SPMIP2: variants seen among roughly 807,000 people sequenced by gnomAD.
The protein encoded by SPMIP2 is sperm microtubule inner protein 2.
chr4:158,921,001 C>T, the SPMIP2 span, among the ~76,000 whole-genome samples: 1 of 152,188 alleles, frequency 6.6e-6, no homozygotes, highest in Non-Finnish European at 1.5e-5. Context: ...TAAAATTCTT[C>T]TGTTTATACT....
At chr4:158,995,175 C>G in the SPMIP2 span, among the ~76,000 whole-genome samples, 1 of 152,176 alleles carries the variant, frequency 6.6e-6, no homozygotes, top group Non-Finnish European at 1.5e-5. Context: ...ACTCTGGACA[C>G]CCAAAGTGCT....
the SPMIP2 span, among the ~76,000 whole-genome samples, chr4:159,010,809 A>G: frequency 6.6e-6 from 1 of 152,124 alleles, no homozygotes; most frequent in African/African-American, 2.4e-5. Flanking sequence ...AACCTATTGC[A>G]TAATGTCTTA....
the SPMIP2 span, among the ~76,000 whole-genome samples, chr4:158,972,317 G>A: frequency 6.5e-3 from 997 of 152,312 alleles, 8 homozygotes; most frequent in Middle Eastern, 0.048. Flanking sequence ...AGTCAAGATC[G>A]TGCCACTGCA....
chr4:159,022,986 T>A, the SPMIP2 span, among the ~76,000 whole-genome samples: 2 of 151,722 alleles, frequency 1.3e-5, no homozygotes, highest in Non-Finnish European at 2.9e-5. Flanking sequence ...GCCGAGATCA[T>A]GCCACAACAC....
the SPMIP2 span, among the ~76,000 whole-genome samples, chr4:158,984,402 T>C: frequency 2.0e-5 from 3 of 149,074 alleles, no homozygotes; most frequent in Non-Finnish European, 4.5e-5. Context: ...CCTCTGCGAA[T>C]GTAAAAGAAC....
chr4:159,003,389 A>C, the SPMIP2 span, among the ~76,000 whole-genome samples: 5 of 152,170 alleles, frequency 3.3e-5, no homozygotes, highest in African/African-American at 1.2e-4. Flanking sequence ...TTGTTGTAAG[A>C]ATTAAGTAAG....
the SPMIP2 span, among the ~76,000 whole-genome samples, chr4:159,016,089 T>A: frequency 2.6e-5 from 4 of 152,190 alleles, no homozygotes; most frequent in African/African-American, 9.6e-5. Context: ...CACACAAGTT[T>A]TAAAAGTTAG....
At chr4:158,947,655 G>C in the SPMIP2 span, among the ~76,000 whole-genome samples, 1 of 152,100 alleles carries the variant, frequency 6.6e-6, no homozygotes, top group South Asian at 2.1e-4. Context: ...AAAATGATCA[G>C]TATAAAGATT....
the SPMIP2 span, among the ~76,000 whole-genome samples, chr4:158,986,367 C>T: frequency 2.0e-5 from 3 of 152,170 alleles, no homozygotes; most frequent in Non-Finnish European, 2.9e-5. Context: ...AGGCATCACG[C>T]TACCTGACTT....
chr4:159,011,270 T>G, the SPMIP2 span, among the ~76,000 whole-genome samples: 2 of 152,226 alleles, frequency 1.3e-5, no homozygotes, highest in Admixed American at 1.3e-4. Flanking sequence ...ATTAAATATT[T>G]GAAATATAAA....
the SPMIP2 span, among the ~76,000 whole-genome samples, chr4:158,952,487 C>T: frequency 2.6e-5 from 4 of 152,286 alleles, no homozygotes; most frequent in African/African-American, 9.6e-5. Context: ...GGAACTAAGT[C>T]CAATTAAACC....
At chr4:158,895,641 A>T in the SPMIP2 span, 1 of 681,580 alleles carries the variant, frequency 1.5e-6, no homozygotes, top group South Asian at 1.7e-5. Flanking sequence ...TTTGAAACTG[A>T]TGAGATAAAA....
At chr4:159,028,692 G>C in the SPMIP2 span, among the ~76,000 whole-genome samples, 86 of 152,308 alleles carry the variant, frequency 5.6e-4, no homozygotes, top group Non-Finnish European at 1.0e-3. Flanking sequence ...AATGTCATTT[G>C]TATGTAAACA....
chr4:158,914,568 G>A, the SPMIP2 span, among the ~76,000 whole-genome samples: 1 of 152,180 alleles, frequency 6.6e-6, no homozygotes, highest in African/African-American at 2.4e-5. Flanking sequence ...AGTTCATTGT[G>A]CTGTGGGATT....
chr4:159,026,263 G>T, the SPMIP2 span: 1 of 549,210 alleles, frequency 1.8e-6, no homozygotes, highest in South Asian at 1.7e-5. Flanking sequence ...CATTTGTGAT[G>T]ACAAAAACCT....
the SPMIP2 span, among the ~76,000 whole-genome samples, chr4:158,963,293 T>G: frequency 1.4e-4 from 21 of 152,002 alleles, no homozygotes; most frequent in African/African-American, 3.6e-4. Flanking sequence ...TTTGTTTTTT[T>G]TTTGTTTGTT....
chr4:158,961,309 A>G, the SPMIP2 span, among the ~76,000 whole-genome samples: 1 of 152,038 alleles, frequency 6.6e-6, no homozygotes, highest in Non-Finnish European at 1.5e-5. Flanking sequence ...TTCCTTATTG[A>G]CTACCATAGA....
At chr4:159,059,219 G>A in the SPMIP2 span, among the ~76,000 whole-genome samples, 5 of 145,688 alleles carry the variant, frequency 3.4e-5, no homozygotes, top group Non-Finnish European at 7.6e-5. Context: ...GACTCTATAC[G>A]AGGCTGGGGG....
chr4:158,913,536 G>C, the SPMIP2 span, among the ~76,000 whole-genome samples: 3 of 152,084 alleles, frequency 2.0e-5, no homozygotes, highest in Non-Finnish European at 2.9e-5. Flanking sequence ...AGTAAAATTC[G>C]ACTATGAACT....
Sources: gnomAD v4.1 joint callset for allele counts (sites outside exome capture counted in the v4.1 genomes callset) on GRCh38, gnomAD v4.1.1 for gene constraint, MANE v1.5 for transcripts, NCBI Gene and HGNC (gene_info 2026-07-23, HGNC 2026-07-21) for gene names.